Variants in GNAO1 observed in about 807,000 individuals in gnomAD.
GNAO1 encodes the protein guanine nucleotide-binding protein G(o) subunit alpha.
For synonymous variants in GNAO1, 164 were observed against 180.7 expected (o/e 0.91, Z 0.74); for missense variants, 166 against 478.7 (o/e 0.35, Z 6.10).
intron 3 of GNAO1, among the ~76,000 whole-genome samples, chr16:56,303,098 C>T (rs149349619): frequency 5.3e-5 from 8 of 152,284 alleles, no homozygotes; most frequent in Non-Finnish European, 1.0e-4. Context: ...GAAGTGGGGT[C>T]GGTGGAGAAG....
intron 3 of GNAO1, among the ~76,000 whole-genome samples, chr16:56,300,269 G>A (rs2037332252): frequency 6.6e-6 from 1 of 152,230 alleles, no homozygotes; most frequent in East Asian, 1.9e-4. Context: ...AATTCTCATA[G>A]AATTTAGAGT....
At chr16:56,224,348 T>TCTAGACCTC (rs1171672104) in intron 2 of GNAO1, among the ~76,000 whole-genome samples, 2 of 152,184 alleles carry the variant, frequency 1.3e-5, no homozygotes, top group Non-Finnish European at 2.9e-5. Context: ...CTCAGGCTTC[T>TCTAGACCTC]CTAGACCTCC....
chr16:56,344,559 C>T lies in GNAO1; in HGVS notation c.724-6825C>T, dbSNP rs965487244. 1.6e-5 allele frequency: 16 copies of T among 986,346 alleles called. No homozygotes were observed. In the African/African-American group the frequency reaches 2.6e-4, roughly 16 times the overall value. 61.1% of individuals were successfully genotyped at this position (986,346 alleles called of 1,614,324 possible). On this transcript the variant is annotated intron_variant, in intron 6 of 8. Transcript: ENST00000262493. ...GTCATCCTCCCTTGCCTTTGCTCTC[C>T]CAGAGAACTCCCATCCCTGACTCCT...
intron 3 of GNAO1, among the ~76,000 whole-genome samples, chr16:56,300,041 GCGCGCGCGCGCACGCACA>G (rs1255870594): frequency 2.1e-3 from 188 of 88,616 alleles, no homozygotes; most frequent in African/African-American, 7.2e-3. Context: ...GTGTGTGCGC[GCGCGCGCGCGCACGCACA>G]TGTGCTTGTG....
chr16:56,267,852 G>A (rs2036972565), intron 2 of GNAO1, among the ~76,000 whole-genome samples: 1 of 152,114 alleles, frequency 6.6e-6, no homozygotes, highest in Non-Finnish European at 1.5e-5. Flanking sequence ...AATGAATTAG[G>A]GAATCAATGA....
intron 3 of GNAO1, among the ~76,000 whole-genome samples, chr16:56,317,624 G>C (rs1359645101): frequency 6.6e-6 from 1 of 152,118 alleles, no homozygotes; most frequent in Admixed American, 6.5e-5. Flanking sequence ...GGATGAACTG[G>C]GGTGGCTGAT....
intron 3 of GNAO1, among the ~76,000 whole-genome samples, chr16:56,297,125 C>T (rs1355359663): frequency 3.9e-5 from 6 of 152,178 alleles, no homozygotes; most frequent in Non-Finnish European, 5.9e-5. Flanking sequence ...GAGTAGGACA[C>T]GGGATTCCCT....
rs1270323588 is a variant in GNAO1, at chr16:56,343,845, C to A, written c.723+6985C>A. On this transcript the variant is annotated intron_variant, in intron 6 of 8. Transcript: ENST00000262493. ...ACAAGTCAGCCCACAAAGAGATCTA[C>A]ACCCACGTCACCTGCGCCACGGACA... 10 of 1,613,652 alleles carry A rather than the reference C, an allele frequency of 6.2e-6. No individual in the cohort carries two copies. Among genetic ancestry groups the A allele is most frequent in the Non-Finnish European group, 8.5e-6 (10 of 1,179,682 alleles).
At chr16:56,353,450 G>A (rs2037942032) in intron 7 of GNAO1, 1 of 152,316 alleles carries the variant, frequency 6.6e-6, no homozygotes, top group Non-Finnish European at 1.5e-5. Context: ...GATGACAGAT[G>A]GTCACCAGTG....
chr16:56,225,916 T>G (rs1326805400), intron 2 of GNAO1, among the ~76,000 whole-genome samples: 1 of 151,916 alleles, frequency 6.6e-6, no homozygotes. Flanking sequence ...GAATGAAATC[T>G]CAGCCAGGAT....
At chr16:56,353,922 A>G (rs2143703361) in intron 7 of GNAO1, among the ~76,000 whole-genome samples, 1 of 152,346 alleles carries the variant, frequency 6.6e-6, no homozygotes, top group South Asian at 2.1e-4. Context: ...TGGTGGGGAC[A>G]GAGGGCCCCC....
intron 3 of GNAO1, among the ~76,000 whole-genome samples, chr16:56,280,859 G>T (rs2037107675): frequency 6.6e-6 from 1 of 152,178 alleles, no homozygotes; most frequent in African/African-American, 2.4e-5. Flanking sequence ...GGTGGGGGAG[G>T]TCCGCACATA....
At chr16:56,256,950 G>A (rs1295372044) in intron 2 of GNAO1, among the ~76,000 whole-genome samples, 1 of 152,162 alleles carries the variant, frequency 6.6e-6, no homozygotes, top group Non-Finnish European at 1.5e-5. Flanking sequence ...TGCAAGGACA[G>A]TGTTTGAGAA....
intron 3 of GNAO1, among the ~76,000 whole-genome samples, chr16:56,299,264 C>T (rs1234388867): frequency 6.6e-6 from 1 of 152,268 alleles, no homozygotes; most frequent in African/African-American, 2.4e-5. Context: ...AGCTAGCCTT[C>T]CTGGGGCTGT....
At chr16:56,297,920 G>A (rs1340002721) in intron 3 of GNAO1, among the ~76,000 whole-genome samples, 1 of 152,216 alleles carries the variant, frequency 6.6e-6, no homozygotes, top group Non-Finnish European at 1.5e-5. Flanking sequence ...CATAATCCCA[G>A]CACTCTGGGA....
intron 3 of GNAO1, among the ~76,000 whole-genome samples, chr16:56,293,667 A>G (rs2143565517): frequency 6.6e-6 from 1 of 152,338 alleles, no homozygotes; most frequent in Non-Finnish European, 1.5e-5. Context: ...TATGTACTTG[A>G]AAAAAGATCA....
chr16:56,209,935 C>T (rs2036371002), intron 2 of GNAO1, among the ~76,000 whole-genome samples: 2 of 152,108 alleles, frequency 1.3e-5, no homozygotes, highest in African/African-American at 4.8e-5. Flanking sequence ...AGGCTTTACT[C>T]TTGGTGGTGT....
chr16:56,328,100 C>G (rs973316695), intron 3 of GNAO1, among the ~76,000 whole-genome samples: 3 of 152,188 alleles, frequency 2.0e-5, no homozygotes, highest in African/African-American at 4.8e-5. Flanking sequence ...CCTCAGCTAA[C>G]CGGAATTCTC....
intron 2 of GNAO1, among the ~76,000 whole-genome samples, chr16:56,205,385 T>G (rs1023049223): frequency 2.0e-5 from 3 of 152,148 alleles, no homozygotes; most frequent in Non-Finnish European, 4.4e-5. Flanking sequence ...GAGGGACCCA[T>G]GCATTAGGAG....
Sources: gnomAD v4.1 joint callset for allele counts (sites outside exome capture counted in the v4.1 genomes callset) on GRCh38, gnomAD v4.1.1 for gene constraint, MANE v1.5 for transcripts, NCBI Gene and HGNC (gene_info 2026-07-23, HGNC 2026-07-21) for gene names.